Variants in ARID1B observed in about 807,000 individuals in gnomAD.
ARID1B encodes AT-rich interactive domain-containing protein 1B.
A neutral mutation model predicts 212.3 loss-of-function variants in ARID1B; 30 were observed. The ratio of observed to expected loss-of-function variants is 0.14; its 90% CI spans 0.11 to 0.19. The LOEUF is 0.19. ARID1B is among the 10% of genes least tolerant of loss of function. The pLI, the probability that ARID1B is intolerant of heterozygous loss-of-function variation, is 1.00. For synonymous variants in ARID1B, 1,402 were observed against 1,301.7 expected, an observed-to-expected ratio of 1.08 and a Z score of -1.66; for missense variants, 2,891 against 3,204.0, an observed-to-expected ratio of 0.90 and a Z score of 2.36.
chr6:156,892,729 A>T lies in ARID1B; in HGVS notation c.1987-8647A>T, dbSNP rs180969808. Among the ~76,000 whole-genome samples, 3 of 152,302 alleles carry T rather than the reference A, an allele frequency of 2.0e-5. No homozygotes were observed. In the East Asian group the frequency reaches 5.8e-4, roughly 29 times the overall value. On this transcript the variant is annotated intron_variant, in intron 2 of 19. Transcript: ENST00000636930. Reference sequence around the variant, plus strand: ...CAATCATTGTTATGATTTCTGTCACAATAAGTTGATTTTGCCTGATTTTGA... The same window carrying T: ...CAATCATTGTTATGATTTCTGTCACTATAAGTTGATTTTGCCTGATTTTGA...
intron 4 of ARID1B, among the ~76,000 whole-genome samples, chr6:157,039,674 C>CTTCCTTCTTTCTTTCTTTCT (rs1781641284): frequency 2.6e-5 from 2 of 76,934 alleles, no homozygotes; most frequent in African/African-American, 1.3e-4. Context: ...TCCTTCCTTC[C>CTTCCTTCTTTCTTTCTTTCT]TTCCTTCCTT....
chr6:157,161,423 G>A (rs1583428351), intron 8 of ARID1B, among the ~76,000 whole-genome samples: 1 of 123,398 alleles, frequency 8.1e-6, no homozygotes, highest in African/African-American at 3.4e-5. Context: ...TGTTTTGATT[G>A]TGTGTGTGTA....
At chr6:157,105,326 A>T (rs934442192) in intron 5 of ARID1B, among the ~76,000 whole-genome samples, 1 of 152,206 alleles carries the variant, frequency 6.6e-6, no homozygotes, top group African/African-American at 2.4e-5. Context: ...ATTTGACAAC[A>T]TTAAAAAAAA....
chr6:156,945,274 T>G (rs1398794038), intron 4 of ARID1B, among the ~76,000 whole-genome samples: 5 of 126,900 alleles, frequency 3.9e-5, no homozygotes, highest in South Asian at 2.8e-4. Flanking sequence ...TTTTTGTGAG[T>G]GTTTAGAGCT....
At chr6:156,960,633 C>G (rs1794307201) in intron 4 of ARID1B, among the ~76,000 whole-genome samples, 1 of 152,068 alleles carries the variant, frequency 6.6e-6, no homozygotes, top group Non-Finnish European at 1.5e-5. Context: ...AAAATTCAAG[C>G]AACAATTTCA....
intron 7 of ARID1B, among the ~76,000 whole-genome samples, chr6:157,136,720 G>A (rs1377558881): frequency 6.7e-6 from 1 of 149,900 alleles, no homozygotes; most frequent in African/African-American, 2.5e-5. Flanking sequence ...AACTTAGCCG[G>A]GTGCGGTGGC....
chr6:157,033,555 A>G (rs1324873232), intron 4 of ARID1B, among the ~76,000 whole-genome samples: 1 of 152,226 alleles, frequency 6.6e-6, no homozygotes, highest in Non-Finnish European at 1.5e-5. Context: ...TTCCAAATTC[A>G]GGAATTCTTG....
rs1221325509 is a variant in ARID1B at position 157,200,067 on chromosome 6, A to C, written c.4480-638A>C. Among the ~76,000 whole-genome samples, 1 of 152,306 alleles carries C rather than the reference A, an allele frequency of 6.6e-6. No homozygotes were observed. Among genetic ancestry groups the C allele is most frequent in the Non-Finnish European group, 1.5e-5 (1 of 68,020 alleles). The stretch of plus-strand genomic sequence containing the variant: ...TCCCATCAGAGTCCCACCTACCCCG[A>C]TTAAGCACTGGTCCCGGAGCATCCT... On this transcript the variant is annotated intron_variant, in intron 17 of 19. Transcript: ENST00000636930. This position sits in a 1 kb window ranked among gnomAD's most constrained non-coding sequence, Gnocchi z 4.3.
intron 1 of ARID1B, among the ~76,000 whole-genome samples, chr6:156,823,049 C>A (rs963478659): frequency 1.3e-5 from 2 of 152,214 alleles, no homozygotes; most frequent in African/African-American, 4.8e-5. Flanking sequence ...CTGTGGCTGA[C>A]CCCGATCCTT....
intron 4 of ARID1B, among the ~76,000 whole-genome samples, chr6:157,039,433 C>T (rs1401909639): frequency 2.0e-5 from 3 of 149,604 alleles, no homozygotes; most frequent in African/African-American, 7.4e-5. Flanking sequence ...CGGGTTCACG[C>T]CATTCTCCTG....
chr6:156,883,880 C>G (rs1337122135), intron 2 of ARID1B, among the ~76,000 whole-genome samples: 2 of 152,180 alleles, frequency 1.3e-5, no homozygotes, highest in Non-Finnish European at 2.9e-5. Context: ...TTCTCTTTCT[C>G]TGGCAATGGC....
intron 4 of ARID1B, among the ~76,000 whole-genome samples, chr6:157,002,101 G>A (rs773058505): frequency 5.9e-5 from 9 of 152,226 alleles, no homozygotes; most frequent in East Asian, 1.9e-4. Flanking sequence ...ATAAATATTC[G>A]CTTTAATTTA....
chr6:157,149,295 G>A, intron 8 of ARID1B: 1 of 256,952 alleles, frequency 3.9e-6, no homozygotes, highest in Non-Finnish European at 7.6e-6. Context: ...CTTTTAAGCA[G>A]GAAATACGCT....
chr6:156,877,557 C>G (rs974384451), intron 2 of ARID1B, among the ~76,000 whole-genome samples: 1 of 152,130 alleles, frequency 6.6e-6, no homozygotes, highest in Non-Finnish European at 1.5e-5. Flanking sequence ...TTGAATGTGT[C>G]CCCTGCTGAA....
chr6:157,028,396 A>T (rs917928291), intron 4 of ARID1B, among the ~76,000 whole-genome samples: 1 of 152,252 alleles, frequency 6.6e-6, no homozygotes, highest in Non-Finnish European at 1.5e-5. Context: ...AATGTAATGA[A>T]TAAGTATTAG....
intron 4 of ARID1B, among the ~76,000 whole-genome samples, chr6:157,066,986 GC>G (rs368463031): frequency 1.2e-3 from 190 of 152,026 alleles, no homozygotes; most frequent in African/African-American, 4.2e-3. Context: ...TGAAATCATG[GC>G]CCAACCACCT....
At chr6:156,812,933 GGTGTGTGTGT>G (rs71027314) in intron 1 of ARID1B, among the ~76,000 whole-genome samples, 4,682 of 86,818 alleles carry the variant, frequency 0.054, 155 homozygotes, top group African/African-American at 0.081. Flanking sequence ...TATAATCCTG[GGTGTGTGTGT>G]GTGTGTGTGT....
intron 4 of ARID1B, among the ~76,000 whole-genome samples, chr6:157,026,087 G>T (rs1205021119): frequency 6.6e-6 from 1 of 152,186 alleles, no homozygotes; most frequent in Non-Finnish European, 1.5e-5. Flanking sequence ...ACCATGCCTG[G>T]CTAATTTTTG....
At chr6:156,780,012 G>A (rs976947242) in intron 1 of ARID1B, among the ~76,000 whole-genome samples, 1 of 152,204 alleles carries the variant, frequency 6.6e-6, no homozygotes, top group Non-Finnish European at 1.5e-5. Flanking sequence ...TTTGTGACAA[G>A]CGAGTGGGTT....
Sources: allele counts gnomAD v4.1 joint callset (sites outside exome capture counted in the v4.1 genomes callset), GRCh38; gene constraint gnomAD v4.1.1; non-coding constraint Gnocchi (gnomAD v3.1); transcripts MANE v1.5; gene names NCBI Gene and HGNC (gene_info 2026-07-23, HGNC 2026-07-21).